NRXN3: variants seen among roughly 807,000 people sequenced by gnomAD.
NRXN3 encodes neurexin III.
In NRXN3, 32 loss-of-function variants were observed where a neutral mutation model predicts 137.6. That is an observed-to-expected ratio of 0.23 (90% CI 0.18 to 0.31). NRXN3 has a LOEUF of 0.31. Ranked by LOEUF, NRXN3 falls within the 10% of genes least tolerant of loss-of-function variation. The pLI, the probability that NRXN3 is intolerant of heterozygous loss-of-function variation, is 1.00. For synonymous variants in NRXN3, 798 were observed against 784.5 expected (o/e 1.02, Z -0.29); for missense variants, 1,574 against 2,062.5 (o/e 0.76, Z 4.59).
intron 19 of NRXN3, among the ~76,000 whole-genome samples, chr14:79,793,688 TTC>T (rs1170292480): frequency 6.6e-6 from 1 of 152,254 alleles, no homozygotes; most frequent in Non-Finnish European, 1.5e-5. Context: ...AGAATTTCTT[TTC>T]TCTTTCTTCA....
chr14:78,813,778 C>T lies in NRXN3; in HGVS notation c.2275+3434C>T, dbSNP rs141800087. The stretch of plus-strand genomic sequence containing the variant: ...AGCATGAAAAAGAAGGATGATCTTC[C>T]AGCATCGAGAGAAATCAATGGGCCA... On this transcript the variant is annotated intron_variant, in intron 10 of 20. Transcript: ENST00000335750. 3.5e-3 allele frequency among the ~76,000 whole-genome samples: 527 copies of T among 152,110 alleles called. 4 individuals carry two copies. The highest frequency in any genetic ancestry group is 0.012 in the African/African-American group (510 of 41,492).
chr14:78,538,475 CTT>C (rs1281398093), intron 4 of NRXN3, among the ~76,000 whole-genome samples: 2 of 152,174 alleles, frequency 1.3e-5, no homozygotes, highest in African/African-American at 2.4e-5. Flanking sequence ...TATCCTGAGA[CTT>C]TGCTGAAGTT....
At chr14:78,457,166 G>C (rs1387531569) in intron 4 of NRXN3, among the ~76,000 whole-genome samples, 1 of 151,746 alleles carries the variant, frequency 6.6e-6, no homozygotes, top group Non-Finnish European at 1.5e-5. Flanking sequence ...GGCCTCCCAA[G>C]TAGCTGGAAT....
At position 79,110,208 on chromosome 14, in the gene NRXN3, G is replaced by A. The variant is rs370660560; in HGVS notation, c.3262+122067G>A. 5.7e-4 allele frequency among the ~76,000 whole-genome samples: 87 copies of A among 152,228 alleles called. No individual in the cohort carries two copies. The South Asian group carries it at 8.1e-3, about 14-fold the overall frequency. On this transcript the variant is annotated intron_variant, in intron 15 of 20. Coordinates refer to ENST00000335750, the MANE Select transcript of NRXN3 (RefSeq NM_001330195.2). ...AATAAATATAAAAGCATGCATTTTCGTAACAGAAAAACTGAAGAGAGTTAA... is the reference window on the plus strand; with the variant it reads ...AATAAATATAAAAGCATGCATTTTCATAACAGAAAAACTGAAGAGAGTTAA...
chr14:79,183,846 C>A (rs373437177), intron 15 of NRXN3, among the ~76,000 whole-genome samples: 2 of 152,210 alleles, frequency 1.3e-5, no homozygotes, highest in South Asian at 2.1e-4. Context: ...ACTTCCATAG[C>A]GTAGCCTGGA....
At chr14:79,280,767 T>C in intron 15 of NRXN3, 1 of 527,214 alleles carries the variant, frequency 1.9e-6, no homozygotes. Flanking sequence ...AGGGTTCTTT[T>C]CCCCTTAGCT....
intron 1 of NRXN3, among the ~76,000 whole-genome samples, chr14:78,198,244 G>T (rs181472629): frequency 3.9e-5 from 6 of 152,374 alleles, no homozygotes; most frequent in Admixed American, 3.9e-4. Context: ...TTCCGGATGA[G>T]TGAGCAGCTG....
At chr14:79,388,327 G>T (rs1460714584) in intron 15 of NRXN3, among the ~76,000 whole-genome samples, 1 of 151,820 alleles carries the variant, frequency 6.6e-6, no homozygotes, top group Non-Finnish European at 1.5e-5. Flanking sequence ...CCAGTCTCAG[G>T]TATTCCTTTA....
chr14:79,798,569 T>G (rs1174701405), intron 19 of NRXN3, among the ~76,000 whole-genome samples: 1 of 152,216 alleles, frequency 6.6e-6, no homozygotes, highest in Non-Finnish European at 1.5e-5. Flanking sequence ...AGTGTGTTAT[T>G]TATAATTTCA....
At chr14:78,728,448 G>A (rs1256379419) in intron 8 of NRXN3, among the ~76,000 whole-genome samples, 1 of 152,180 alleles carries the variant, frequency 6.6e-6, no homozygotes, top group Non-Finnish European at 1.5e-5. Context: ...CTGGGAGGGA[G>A]TAGACAATTG....
At chr14:78,575,170 A>G (rs973620400) in intron 4 of NRXN3, among the ~76,000 whole-genome samples, 1 of 152,234 alleles carries the variant, frequency 6.6e-6, no homozygotes, top group Non-Finnish European at 1.5e-5. Flanking sequence ...CTTCTCAGCC[A>G]TGTGGAACTG....
chr14:79,378,401 G>C (rs1185123941), intron 15 of NRXN3, among the ~76,000 whole-genome samples: 1 of 152,166 alleles, frequency 6.6e-6, no homozygotes, highest in Non-Finnish European at 1.5e-5. Flanking sequence ...CTCCTACTGG[G>C]TGCCTGGTTA....
rs368302972 is a variant in NRXN3 at position 79,242,068 on chromosome 14, G to GAA, written c.3263-225143_3263-225142dup. Among the ~76,000 whole-genome samples the GAA allele has an allele frequency of 1.4e-4, 21 of 147,224 alleles. No individual in the cohort carries two copies. The South Asian group carries it at 1.5e-3, about 11-fold the overall frequency. ...GGTGACAGAGCCAGACTCCATCTCA[G>GAA]AAAAAAAAAAATTAAATGCTCAAAA... On this transcript the variant is annotated intron_variant, in intron 15 of 20. Transcript: ENST00000335750.
At chr14:78,381,011 A>G (rs1486254462) in intron 4 of NRXN3, among the ~76,000 whole-genome samples, 1 of 152,152 alleles carries the variant, frequency 6.6e-6, no homozygotes, top group Non-Finnish European at 1.5e-5. Flanking sequence ...AATATGCCCA[A>G]CTGATTATTG....
At chr14:78,938,869 T>G (rs1369143392) in intron 10 of NRXN3, among the ~76,000 whole-genome samples, 8 of 149,588 alleles carry the variant, frequency 5.3e-5, no homozygotes, top group Non-Finnish European at 1.0e-4. Context: ...TTTTTTGAGA[T>G]GGAGTCTCGC....
chr14:78,595,780 A>G (rs1195312607), intron 4 of NRXN3, among the ~76,000 whole-genome samples: 2 of 152,186 alleles, frequency 1.3e-5, no homozygotes, highest in African/African-American at 2.4e-5. Context: ...CCAAACTCCT[A>G]AGAAAGATGG....
At chr14:79,320,569 C>A (rs1598680189) in intron 15 of NRXN3, among the ~76,000 whole-genome samples, 1 of 152,212 alleles carries the variant, frequency 6.6e-6, no homozygotes, top group East Asian at 1.9e-4. Context: ...TGTGATAGGC[C>A]TTTGGGAATA....
chr14:78,200,454 G>A (rs1001725948), intron 1 of NRXN3, among the ~76,000 whole-genome samples: 9 of 152,194 alleles, frequency 5.9e-5, no homozygotes, highest in Admixed American at 6.5e-5. Flanking sequence ...GGGAACTTGT[G>A]TGAAATGCAC....
At chr14:78,964,139 C>T (rs2099413175) in intron 11 of NRXN3, among the ~76,000 whole-genome samples, 2 of 152,136 alleles carry the variant, frequency 1.3e-5, no homozygotes, top group East Asian at 3.9e-4. Flanking sequence ...AGGGTATGAT[C>T]TGGTTTAGTC....
Sources: gnomAD v4.1 joint callset for allele counts (sites outside exome capture counted in the v4.1 genomes callset) on GRCh38, gnomAD v4.1.1 for gene constraint, MANE v1.5 for transcripts, NCBI Gene and HGNC (gene_info 2026-07-23, HGNC 2026-07-21) for gene names.